ADCY8: variants seen among roughly 807,000 people sequenced by gnomAD.
The protein encoded by ADCY8 is adenylate cyclase 8.
ADCY8 carries 51 observed loss-of-function variants against 119.7 expected under a neutral mutation model. That is an observed-to-expected ratio of 0.43 (90% CI 0.34 to 0.54). The LOEUF is 0.54. ADCY8 is among the 20% of genes least tolerant of loss of function. ADCY8 has a pLI of 0.03. For missense variants in ADCY8, 1,383 were observed against 1,598.8 expected, an observed-to-expected ratio of 0.87 and a Z score of 2.30; for synonymous variants, 665 against 651.0, an observed-to-expected ratio of 1.02 and a Z score of -0.33.
At chr8:130,917,204 C>G (rs920670499) in intron 5 of ADCY8, among the ~76,000 whole-genome samples, 1 of 152,188 alleles carries the variant, frequency 6.6e-6, no homozygotes, top group South Asian at 2.1e-4. Flanking sequence ...ATCCTCATTT[C>G]CACCACAGGC....
intron 1 of ADCY8, among the ~76,000 whole-genome samples, chr8:130,991,435 T>C (rs2130743045): frequency 6.6e-6 from 1 of 152,298 alleles, no homozygotes; most frequent in African/African-American, 2.4e-5. Flanking sequence ...AAACCTAAAA[T>C]TGTTTTATAA....
At chr8:130,908,987 CT>C (rs1819881538) in intron 6 of ADCY8, among the ~76,000 whole-genome samples, 1 of 34,948 alleles carries the variant, frequency 2.9e-5, no homozygotes, top group Non-Finnish European at 4.9e-5. Flanking sequence ...TGGAAGTGCT[CT>C]CTCTCTCTCT....
intron 12 of ADCY8, among the ~76,000 whole-genome samples, chr8:130,826,525 T>A (rs1485133949): frequency 6.6e-6 from 1 of 152,218 alleles, no homozygotes; most frequent in Non-Finnish European, 1.5e-5. Flanking sequence ...TCCTAGATAC[T>A]ATCTATTCTA....
intron 5 of ADCY8, among the ~76,000 whole-genome samples, chr8:130,922,038 G>A (rs1820324340): frequency 1.3e-5 from 2 of 152,008 alleles, no homozygotes; most frequent in Non-Finnish European, 2.9e-5. Context: ...AATAAGGAGA[G>A]GAAGAGGCTT....
At chr8:130,805,422 C>G (rs1815916036) in intron 14 of ADCY8, among the ~76,000 whole-genome samples, 1 of 152,172 alleles carries the variant, frequency 6.6e-6, no homozygotes, top group African/African-American at 2.4e-5. Context: ...AAACTGAAAA[C>G]TGGTTTAGGT....
At chr8:130,783,125 A>T (rs1815136912) in intron 17 of ADCY8, among the ~76,000 whole-genome samples, 1 of 79,854 alleles carries the variant, frequency 1.3e-5, no homozygotes, top group South Asian at 2.6e-4. Context: ...AGGAATGGCA[A>T]ATATAAAGGA....
intron 11 of ADCY8, among the ~76,000 whole-genome samples, chr8:130,841,541 CTG>C (rs1466739751): frequency 2.0e-5 from 3 of 152,200 alleles, no homozygotes; most frequent in African/African-American, 7.2e-5. Context: ...ACACCAAAAA[CTG>C]TGCCAGGCTG....
At chr8:130,802,033 C>T (rs115324515) in intron 14 of ADCY8, among the ~76,000 whole-genome samples, 114 of 151,012 alleles carry the variant, frequency 7.5e-4, no homozygotes, top group African/African-American at 2.7e-3. Context: ...CATGTGCTGA[C>T]GGTTTCTAAA....
intron 1 of ADCY8, among the ~76,000 whole-genome samples, chr8:131,014,415 C>T (rs1823404904): frequency 6.6e-6 from 1 of 152,116 alleles, no homozygotes; most frequent in Admixed American, 6.6e-5. Flanking sequence ...ATCTTTAGCC[C>T]ATGGTGATTC....
At chr8:130,864,061 A>G (rs1445691249) in intron 9 of ADCY8, among the ~76,000 whole-genome samples, 1 of 152,144 alleles carries the variant, frequency 6.6e-6, no homozygotes, top group Non-Finnish European at 1.5e-5. Flanking sequence ...TTCTCTGCTT[A>G]TAAAGGATAT....
In ADCY8 at chr8:130,785,430, T is replaced by C; in HGVS notation, c.3106A>G (p.Ile1036Val). Residue 1036 changes from isoleucine to valine, a missense_variant, in exon 16 of 18, where the codon ATT (isoleucine) becomes GTT (valine). Physicochemically the swap from Ile to Val is conservative, Grantham distance 29 (BLOSUM62 3). Coordinates refer to ENST00000286355, the MANE Select transcript of ADCY8 (RefSeq NM_001115.3). ...GACACGGCCATGTAGGTGCTGCCAA[T>C]GGTCTTAATCTTTTCAATGTCTTGA... ...RFQDIEKIKT[I>V]GSTYMAVSGL... The C allele has an allele frequency of 6.2e-7, 1 of 1,610,506 alleles. No individual in the cohort carries two copies. The highest frequency in any genetic ancestry group is 1.3e-5 in the African/African-American group (1 of 74,832).
chr8:131,034,911 T>A (rs1824103609), intron 1 of ADCY8, among the ~76,000 whole-genome samples: 1 of 152,168 alleles, frequency 6.6e-6, no homozygotes, highest in Non-Finnish European at 1.5e-5. Context: ...GAGAATGAGA[T>A]GAGTTTCAAA....
intron 3 of ADCY8, among the ~76,000 whole-genome samples, chr8:130,945,735 A>G (rs1821088313): frequency 6.6e-6 from 1 of 152,232 alleles, no homozygotes; most frequent in Non-Finnish European, 1.5e-5. Flanking sequence ...TTGATTATGT[A>G]TTACTTGTAG....
At chr8:130,889,682 G>A (rs1460112438) in intron 7 of ADCY8, among the ~76,000 whole-genome samples, 2 of 152,116 alleles carry the variant, frequency 1.3e-5, no homozygotes, top group African/African-American at 4.8e-5. Flanking sequence ...TGTTCCATAG[G>A]TGATATAGTT....
rs535622623 is a variant in ADCY8, at chr8:130,977,897, C to T, written c.1110+12496G>A. ...CAGTGGATCACATGGGGCTGACTCTCGAGTCATAATCTTTTCCATGATTCC... is the reference window on the plus strand; with the variant it reads ...CAGTGGATCACATGGGGCTGACTCTTGAGTCATAATCTTTTCCATGATTCC... On this transcript the variant is annotated intron_variant, in intron 2 of 17. Transcript: ENST00000286355. 9.9e-5 allele frequency among the ~76,000 whole-genome samples: 15 copies of T among 152,266 alleles called. No homozygotes were observed. The South Asian group carries it at 2.9e-3, about 30-fold the overall frequency.
chr8:130,811,513 G>C (rs1435433567), intron 14 of ADCY8, among the ~76,000 whole-genome samples: 1 of 152,190 alleles, frequency 6.6e-6, no homozygotes, highest in East Asian at 1.9e-4. Flanking sequence ...CTTGTCCTAA[G>C]GGTTTTTCAT....
At chr8:130,843,443 G>A (rs1239866510) in intron 11 of ADCY8, among the ~76,000 whole-genome samples, 1 of 152,070 alleles carries the variant, frequency 6.6e-6, no homozygotes, top group East Asian at 1.9e-4. Context: ...GGTCTCCCAG[G>A]ACTCTCAGCT....
intron 11 of ADCY8, among the ~76,000 whole-genome samples, chr8:130,839,965 G>T (rs1179697636): frequency 7.1e-6 from 1 of 139,892 alleles, no homozygotes; most frequent in Non-Finnish European, 1.6e-5. Context: ...AAAAGCTGAG[G>T]ACTTAAAGAC....
chr8:130,799,417 G>T (rs1236222023), intron 15 of ADCY8, among the ~76,000 whole-genome samples: 1 of 152,168 alleles, frequency 6.6e-6, no homozygotes, highest in Non-Finnish European at 1.5e-5. Flanking sequence ...TGGAAAGAAG[G>T]ACTTCACTGG....
Sources: allele counts gnomAD v4.1 joint callset (sites outside exome capture counted in the v4.1 genomes callset), GRCh38; gene constraint gnomAD v4.1.1; transcripts MANE v1.5; gene names NCBI Gene and HGNC (gene_info 2026-07-23, HGNC 2026-07-21).